Variants in GALNT17 observed in about 807,000 individuals in gnomAD.
GALNT17 encodes the protein UDP-GalNAc:polypeptide N-acetylgalactosaminyltransferase-like 3.
A neutral mutation model predicts 63.7 loss-of-function variants in GALNT17; 29 were observed. The observed-to-expected ratio is 0.46, with a 90% confidence interval of 0.34 to 0.62. GALNT17 has a LOEUF of 0.62. GALNT17 is among the 20% of genes least tolerant of loss of function. The pLI, the probability that GALNT17 is intolerant of heterozygous loss-of-function variation, is 0.01. For synonymous variants in GALNT17, 305 were observed against 318.3 expected, an observed-to-expected ratio of 0.96 and a Z score of 0.45; for missense variants, 603 against 799.6, an observed-to-expected ratio of 0.75 and a Z score of 2.97.
chr7:71,324,763 A>C (rs1283910463), intron 1 of GALNT17, among the ~76,000 whole-genome samples: 5 of 151,662 alleles, frequency 3.3e-5, no homozygotes, highest in Non-Finnish European at 5.9e-5. Flanking sequence ...GTGCGTGTAT[A>C]TATATATACA....
chr7:71,184,977 T>G (rs937563040), intron 1 of GALNT17, among the ~76,000 whole-genome samples: 1 of 118,876 alleles, frequency 8.4e-6, no homozygotes, highest in Admixed American at 9.6e-5. Flanking sequence ...CCTTCCTTCC[T>G]TCCTTCCTTC....
intron 2 of GALNT17, among the ~76,000 whole-genome samples, chr7:71,356,983 C>T (rs951634221): frequency 4.6e-5 from 7 of 151,924 alleles, no homozygotes; most frequent in South Asian, 2.1e-4. Context: ...GGTTTCACCA[C>T]GTTGGTCAGG....
In GALNT17 at chr7:71,410,842, G is replaced by A. The variant is rs572122270; in HGVS notation, c.590-5047G>A. The stretch of plus-strand genomic sequence containing the variant: ...TCCTTCCTGATCACAGGCAGTGTTC[G>A]CTTCTCCCCCTCAACCTCCTCAAAT... On this transcript the variant is annotated intron_variant, in intron 3 of 10. Transcript: ENST00000333538. 1.1e-3 allele frequency among the ~76,000 whole-genome samples: 163 copies of A among 152,226 alleles called. 1 individual carries two copies. The highest frequency in any genetic ancestry group is 2.1e-3 in the Non-Finnish European group (143 of 68,020).
intron 1 of GALNT17, among the ~76,000 whole-genome samples, chr7:71,271,001 C>T (rs1028204565): frequency 6.6e-6 from 1 of 151,746 alleles, no homozygotes; most frequent in African/African-American, 2.4e-5. Context: ...CTAGGAATTT[C>T]ATCATGACCC....
chr7:71,212,623 G>T (rs529997596), intron 1 of GALNT17, among the ~76,000 whole-genome samples: 47 of 152,256 alleles, frequency 3.1e-4, no homozygotes, highest in East Asian at 1.9e-4. Flanking sequence ...AGCCAGGAGG[G>T]GGGGCTATAC....
chr7:71,348,898 A>G (rs73181662), intron 2 of GALNT17, among the ~76,000 whole-genome samples: 23,669 of 152,194 alleles, frequency 0.16, 2,109 homozygotes, highest in South Asian at 0.29. Context: ...CTAGCAGTGC[A>G]CTGAGTTAAA....
intron 1 of GALNT17, among the ~76,000 whole-genome samples, chr7:71,134,530 C>T (rs926813884): frequency 5.3e-5 from 8 of 152,072 alleles, no homozygotes; most frequent in African/African-American, 1.4e-4. Context: ...GCGGTCTTCT[C>T]GAAGCCATTT....
chr7:71,532,620 C>G (rs1197950258), intron 5 of GALNT17, among the ~76,000 whole-genome samples: 35 of 152,134 alleles, frequency 2.3e-4, no homozygotes. Context: ...GACTTCCTCC[C>G]TACTTTGCTA....
At chr7:71,287,308 A>G (rs1790893209) in intron 1 of GALNT17, among the ~76,000 whole-genome samples, 1 of 151,518 alleles carries the variant, frequency 6.6e-6, no homozygotes, top group Admixed American at 6.6e-5. Flanking sequence ...TGGGCTTGTC[A>G]CAAACTCCTG....
At chr7:71,659,293 T>C (rs1790872133) in intron 6 of GALNT17, among the ~76,000 whole-genome samples, 1 of 152,228 alleles carries the variant, frequency 6.6e-6, no homozygotes, top group Non-Finnish European at 1.5e-5. Context: ...CCAAATTTAG[T>C]GGCCTAAATA....
chr7:71,616,371 T>C (rs775249536), intron 6 of GALNT17, among the ~76,000 whole-genome samples: 7 of 151,834 alleles, frequency 4.6e-5, no homozygotes, highest in Non-Finnish European at 8.8e-5. Context: ...TTTTTTACCA[T>C]ATGAACTGGC....
intron 5 of GALNT17, among the ~76,000 whole-genome samples, chr7:71,485,760 C>G (rs1787898512): frequency 6.6e-6 from 1 of 152,208 alleles, no homozygotes; most frequent in African/African-American, 2.4e-5. Flanking sequence ...CCTGTGGGTT[C>G]TGACATTTAA....
rs749755526 is a variant in GALNT17, at chr7:71,591,016, C to T, written c.1080+19614C>T. On this transcript the variant is annotated intron_variant, in intron 6 of 10. Coordinates refer to ENST00000333538, the MANE Select transcript of GALNT17 (RefSeq NM_022479.3). ...CCTCAGGTGATCCACCCACCTAGGC[C>T]TCCCAAAGTACTGGGATTACAGGCA... Among the ~76,000 whole-genome samples the T allele has an allele frequency of 3.1e-4, 47 of 152,218 alleles. No homozygotes were observed. In the Middle Eastern group the frequency reaches 0.01, roughly 33 times the overall value.
At chr7:71,647,328 C>A (rs533218104) in intron 6 of GALNT17, among the ~76,000 whole-genome samples, 1 of 151,970 alleles carries the variant, frequency 6.6e-6, no homozygotes, top group South Asian at 2.1e-4. Context: ...CTCGGCCTCC[C>A]AAATCACTGG....
chr7:71,477,144 A>C (rs989959239), intron 5 of GALNT17, among the ~76,000 whole-genome samples: 1 of 152,224 alleles, frequency 6.6e-6, no homozygotes, highest in African/African-American at 2.4e-5. Context: ...TATCATCATC[A>C]TCATTATCAT....
intron 6 of GALNT17, among the ~76,000 whole-genome samples, chr7:71,600,494 C>T (rs907628205): frequency 6.6e-6 from 1 of 152,018 alleles, no homozygotes; most frequent in Non-Finnish European, 1.5e-5. Context: ...TGCCCGGTAC[C>T]GTGCCCAGTG....
intron 1 of GALNT17, among the ~76,000 whole-genome samples, chr7:71,297,036 AAGGCTTTTCTT>A (rs374060729): frequency 2.1e-4 from 32 of 152,290 alleles, no homozygotes; most frequent in African/African-American, 6.0e-4. Flanking sequence ...GGATAAGGAG[AAGGCTTTTCTT>A]ATTGCTTAAG....
intron 5 of GALNT17, among the ~76,000 whole-genome samples, chr7:71,479,354 G>A (rs556859162): frequency 2.6e-5 from 4 of 152,112 alleles, no homozygotes; most frequent in Admixed American, 2.6e-4. Context: ...GGCTCAGCAC[G>A]TATGGTTTCA....
rs35735311 is a variant in GALNT17 at position 71,167,045 on chromosome 7, C to CTT, written c.238+34026_238+34027dup. Among the ~76,000 whole-genome samples, 263 of 115,436 alleles carry CTT rather than the reference C, an allele frequency of 2.3e-3. 2 individuals are homozygous for CTT. Among genetic ancestry groups the CTT allele is most frequent in the African/African-American group, 6.2e-3 (181 of 29,000 alleles). 75.7% of individuals were successfully genotyped at this position (115,436 alleles called of 152,430 possible). On this transcript the variant is annotated intron_variant, in intron 1 of 10. Transcript: ENST00000333538. ...ACACACAACCATGCCTGGCTAAGTA[C>CTT]TTTTTTTTTTTTTTTTTTTTTTGGA... is the stretch of plus-strand genomic sequence containing the variant.
Sources: gnomAD v4.1 joint callset for allele counts (sites outside exome capture counted in the v4.1 genomes callset) on GRCh38, gnomAD v4.1.1 for gene constraint, MANE v1.5 for transcripts, NCBI Gene and HGNC (gene_info 2026-07-23, HGNC 2026-07-21) for gene names.